Variants in NOS1AP observed in about 807,000 individuals in gnomAD.
NOS1AP encodes carboxyl-terminal PDZ ligand of neuronal nitric oxide synthase protein.
A neutral mutation model predicts 56.2 loss-of-function variants in NOS1AP; 21 were observed. The observed-to-expected ratio is 0.37, with a 90% CI of 0.26 to 0.54. NOS1AP has a LOEUF of 0.54. Among genes scored for constraint, NOS1AP ranks in the 20% least tolerant of loss-of-function variants. The pLI is 0.84. For synonymous variants in NOS1AP, 270 were observed against 274.6 expected (o/e 0.98, Z 0.17); for missense variants, 522 against 657.8 (o/e 0.79, Z 2.26).
chr1:162,167,051 A>G (rs1650535322), intron 2 of NOS1AP, among the ~76,000 whole-genome samples: 1 of 152,168 alleles, frequency 6.6e-6, no homozygotes, highest in Non-Finnish European at 1.5e-5. Flanking sequence ...CATTTAATGA[A>G]TGTAAAAAAT....
intron 7 of NOS1AP, 127 bp from the exon 8 acceptor site, chr1:162,356,833 A>T (rs1657719129): frequency 1.3e-6 from 2 of 1,591,998 alleles, no homozygotes; most frequent in South Asian, 2.2e-5. Flanking sequence ...CATTGAAGAT[A>T]TAGTGCTGTC....
chr1:162,119,398 G>A (rs1648107955), intron 1 of NOS1AP, among the ~76,000 whole-genome samples: 1 of 152,178 alleles, frequency 6.6e-6, no homozygotes, highest in African/African-American at 2.4e-5. Flanking sequence ...GAGCTCGTGT[G>A]TCTGCTTTTC....
chr1:162,363,364 G>T (rs56387268), intron 8 of NOS1AP: 18,818 of 152,620 alleles, frequency 0.12, 1,301 homozygotes, highest in Non-Finnish European at 0.16. Flanking sequence ...AGGGTCTGTG[G>T]GAAGGGTGGC....
intron 1 of NOS1AP, among the ~76,000 whole-genome samples, chr1:162,081,268 C>G (rs1052122008): frequency 2.0e-5 from 3 of 152,124 alleles, no homozygotes; most frequent in Non-Finnish European, 4.4e-5. Context: ...TTAGTCCTTT[C>G]CATTGTGGCT....
At chr1:162,220,552 G>C (rs1652736766) in intron 2 of NOS1AP, among the ~76,000 whole-genome samples, 1 of 152,162 alleles carries the variant, frequency 6.6e-6, no homozygotes, top group South Asian at 2.1e-4. Context: ...ATTGCAATCT[G>C]GACTTGGAGT....
chr1:162,264,981 C>CT (rs1668467665), intron 2 of NOS1AP, among the ~76,000 whole-genome samples: 1 of 151,682 alleles, frequency 6.6e-6, no homozygotes, highest in South Asian at 2.1e-4. Flanking sequence ...CGCCTGGCTA[C>CT]TTTTTGTATT....
intron 6 of NOS1AP, among the ~76,000 whole-genome samples, chr1:162,348,148 C>T (rs1006595005): frequency 6.6e-6 from 1 of 152,186 alleles, no homozygotes; most frequent in African/African-American, 2.4e-5. Flanking sequence ...AATAAACTGA[C>T]AAACAGAGCC....
Position 162,070,057 on chromosome 1 carries a change from C to A in NOS1AP, c.-121C>A, listed in dbSNP as rs1691627021. ...GCCGCGCGGCCAGGGCTCCCCCTGC[C>A]CAGCGCTCCCAGGCCCCGCCACGCG... is the stretch of plus-strand genomic sequence containing the variant. On this transcript the variant is annotated 5_prime_UTR_variant, in exon 1 of 10. Transcript: ENST00000361897. 1 of 728,578 alleles carries A rather than the reference C, an allele frequency of 1.4e-6. No individual in the cohort carries two copies. Among genetic ancestry groups the A allele is most frequent in the Admixed American group, 2.5e-5 (1 of 40,218 alleles). The allele number at this position is 728,578 out of a possible 1,614,324, so 45.1% of individuals were successfully genotyped here. A position where few individuals can be genotyped will look rare whatever the true frequency, so the allele number is the denominator to read the frequency against.
At chr1:162,365,072 ATATGTGCACGTG>A in intron 8 of NOS1AP, 1 of 1,270,848 alleles carries the variant, frequency 7.9e-7, no homozygotes, top group South Asian at 1.7e-5. Flanking sequence ...GTGTGTGTGT[ATATGTGCACGTG>A]TGTGTGTACG....
chr1:162,277,696 T>C (rs1435667803), intron 2 of NOS1AP, among the ~76,000 whole-genome samples: 2 of 152,222 alleles, frequency 1.3e-5, no homozygotes, highest in Non-Finnish European at 2.9e-5. Flanking sequence ...TAGCTCCTAT[T>C]ACCTGATTCT....
intron 2 of NOS1AP, among the ~76,000 whole-genome samples, chr1:162,228,762 C>G (rs1313366090): frequency 6.6e-6 from 1 of 152,176 alleles, no homozygotes; most frequent in Admixed American, 6.5e-5. Flanking sequence ...CGTTCAGACC[C>G]TCAAATTAAC....
intron 2 of NOS1AP, among the ~76,000 whole-genome samples, chr1:162,221,223 G>T (rs544086528): frequency 6.6e-6 from 1 of 152,320 alleles, no homozygotes; most frequent in Admixed American, 6.5e-5. Flanking sequence ...AAAGGCGTGA[G>T]CCACCGCGCC....
intron 2 of NOS1AP, among the ~76,000 whole-genome samples, chr1:162,253,586 A>G (rs1452219052): frequency 6.6e-6 from 1 of 152,210 alleles, no homozygotes; most frequent in African/African-American, 2.4e-5. Context: ...CTGGCCAACC[A>G]CATAAGTGAA....
chr1:162,147,741 T>C (rs1262314445), intron 1 of NOS1AP, among the ~76,000 whole-genome samples: 1 of 152,268 alleles, frequency 6.6e-6, no homozygotes, highest in African/African-American at 2.4e-5. Context: ...ATAGAACAGA[T>C]ACAGATAATC....
intron 1 of NOS1AP, among the ~76,000 whole-genome samples, chr1:162,126,366 T>A (rs1202442412): frequency 6.6e-6 from 1 of 152,188 alleles, no homozygotes; most frequent in Non-Finnish European, 1.5e-5. Context: ...GTTTGCCTGA[T>A]ATTTTCTCAT....
chr1:162,346,391 T>C (rs1405604294), intron 6 of NOS1AP, among the ~76,000 whole-genome samples: 1 of 152,224 alleles, frequency 6.6e-6, no homozygotes, highest in African/African-American at 2.4e-5. Flanking sequence ...TTTAAAGCCA[T>C]CTTCAAGATA....
At position 162,165,649 on chromosome 1, in the gene NOS1AP, A is replaced by C. The variant is rs987165374; in HGVS notation, c.177+11173A>C. On this transcript the variant is annotated intron_variant, in intron 2 of 9. Transcript: ENST00000361897. ...ACCAAGGCAAGACTCCAGTCTGCTT[A>C]CATCTGACTCAGAGATCCTACAAGA... Among the ~76,000 whole-genome samples the C allele has an allele frequency of 3.0e-4, 45 of 152,294 alleles. 1 individual carries two copies. The highest frequency in any genetic ancestry group is 3.4e-3 in the Middle Eastern group (1 of 294).
intron 2 of NOS1AP, among the ~76,000 whole-genome samples, chr1:162,272,108 T>C (rs186115062): frequency 1.7e-3 from 265 of 152,134 alleles, no homozygotes; most frequent in African/African-American, 6.0e-3. Context: ...CACCTCAACC[T>C]CCTGAAGTGT....
chr1:162,274,705 A>T (rs1209898693), intron 2 of NOS1AP, among the ~76,000 whole-genome samples: 1 of 152,230 alleles, frequency 6.6e-6, no homozygotes, highest in East Asian at 1.9e-4. Context: ...CAAGATTCAG[A>T]CTTTAAAAAT....
Sources: allele counts gnomAD v4.1 joint callset (sites outside exome capture counted in the v4.1 genomes callset), GRCh38; gene constraint gnomAD v4.1.1; transcripts MANE v1.5; gene names NCBI Gene and HGNC (gene_info 2026-07-23, HGNC 2026-07-21).